Variants in AGMO observed in about 807,000 individuals in gnomAD.
AGMO encodes glyceryl-ether monooxygenase.
A neutral mutation model predicts 60.2 loss-of-function variants in AGMO; 75 were observed. That is an observed-to-expected ratio of 1.25 (90% confidence interval 1.03 to 1.51). The LOEUF (loss-of-function observed/expected upper bound fraction) is 1.51. Among genes scored for constraint, AGMO ranks in the 40% most tolerant of loss-of-function variants. The pLI is 0.00. For synonymous variants in AGMO, 261 were observed against 177.1 expected (o/e 1.47, Z -3.76); for missense variants, 763 against 525.5 (o/e 1.45, Z -4.42).
chr7:15,163,779 T>TC, the AGMO span, among the ~76,000 whole-genome samples: 1 of 111,958 alleles, frequency 8.9e-6, no homozygotes, highest in African/African-American at 3.2e-5. Context: ...CCTACAGTTT[T>TC]CTTTTTTTTT....
intron 10 of AGMO, among the ~76,000 whole-genome samples, chr7:15,369,078 TTC>T (rs1337586886): frequency 6.6e-6 from 1 of 152,134 alleles, no homozygotes; most frequent in East Asian, 1.9e-4. Context: ...CCTTAACTTT[TTC>T]TGTCACTGTC....
At chr7:15,483,830 T>C (rs541247037) in intron 3 of AGMO, among the ~76,000 whole-genome samples, 21 of 152,228 alleles carry the variant, frequency 1.4e-4, no homozygotes, top group African/African-American at 4.8e-4. Flanking sequence ...CTGTGCAAGA[T>C]GATTAAAATT....
At position 15,397,235 on chromosome 7, in the gene AGMO, G is replaced by A. The variant is rs533327133; in HGVS notation, c.610-3056C>T. Among the ~76,000 whole-genome samples, 155 of 152,232 alleles carry A rather than the reference G, an allele frequency of 1.0e-3. 1 individual carries two copies. Among genetic ancestry groups the A allele is most frequent in the African/African-American group, 3.5e-3 (145 of 41,572 alleles). ...GCCTACGACCCCGCGAAGAGGGAAC[G>A]GCGGTCCGCGCATGGTACCCAGACC... On this transcript the variant is annotated intron_variant, in intron 5 of 12. Transcript: ENST00000342526.
intron 12 of AGMO, among the ~76,000 whole-genome samples, chr7:15,322,909 TATACAC>T (rs1387507215): frequency 6.1e-5 from 9 of 146,872 alleles, no homozygotes; most frequent in Non-Finnish European, 1.3e-4. Flanking sequence ...AAAATATATA[TATACAC>T]ATATATGTGT....
At chr7:15,195,326 T>C (rs970969430), downstream of AGMO, among the ~76,000 whole-genome samples, 5 of 152,176 alleles carry the variant, frequency 3.3e-5, no homozygotes, top group African/African-American at 1.2e-4. Flanking sequence ...ATAGCTTTTT[T>C]CCTTGCAGGG....
At chr7:15,394,823 G>A (rs762650589) in intron 5 of AGMO, among the ~76,000 whole-genome samples, 4 of 152,090 alleles carry the variant, frequency 2.6e-5, no homozygotes, top group Non-Finnish European at 5.9e-5. Context: ...CTTACCTTTA[G>A]AGGCATGGTC....
chr7:15,323,456 G>A (rs1217593988), intron 12 of AGMO, among the ~76,000 whole-genome samples: 2 of 152,140 alleles, frequency 1.3e-5, no homozygotes, highest in Non-Finnish European at 2.9e-5. Context: ...GAAATACAGT[G>A]TATACAATAA....
chr7:15,437,110 T>C (rs149854790), intron 3 of AGMO, among the ~76,000 whole-genome samples: 196 of 152,232 alleles, frequency 1.3e-3, no homozygotes, highest in African/African-American at 4.4e-3. Flanking sequence ...AGTAACAGAC[T>C]CAAGCTACCA....
At chr7:15,260,587 C>T (rs1783239070) in intron 12 of AGMO, among the ~76,000 whole-genome samples, 1 of 152,078 alleles carries the variant, frequency 6.6e-6, no homozygotes, top group Non-Finnish European at 1.5e-5. Context: ...TAATATTCCA[C>T]TGACAGCACT....
chr7:15,449,647 T>G lies in AGMO; in HGVS notation c.410-18539A>C, dbSNP rs530481588. Among the ~76,000 whole-genome samples the G allele has an allele frequency of 5.9e-5, 9 of 152,334 alleles. No homozygotes were observed. In the East Asian group the frequency reaches 1.7e-3, roughly 29 times the overall value. On this transcript the variant is annotated intron_variant, in intron 3 of 12. Transcript: ENST00000342526. Reference sequence around the variant, plus strand: ...ACCATCTAGGTTTGTGTAAGTACACTCTATGAGGTTTGCATAGCAGAATTG... The same window carrying G: ...ACCATCTAGGTTTGTGTAAGTACACGCTATGAGGTTTGCATAGCAGAATTG...
intron 12 of AGMO, among the ~76,000 whole-genome samples, chr7:15,337,406 C>G (rs1781696240): frequency 6.6e-6 from 1 of 152,094 alleles, no homozygotes; most frequent in Non-Finnish European, 1.5e-5. Context: ...AGAGGAATGA[C>G]TGGCCATAAA....
At chr7:15,418,482 A>G (rs1040130434) in intron 5 of AGMO, 76 bp downstream of exon 5, 6 of 862,086 alleles carry the variant, frequency 7.0e-6, no homozygotes, top group Admixed American at 5.3e-5. Flanking sequence ...ACAATAAATC[A>G]TCTGCTAGTG....
At chr7:15,160,280 C>T in the AGMO span, among the ~76,000 whole-genome samples, 38,140 of 152,050 alleles carry the variant, frequency 0.25, 5,705 homozygotes, top group East Asian at 0.32. Flanking sequence ...AAGGATTTCT[C>T]CCTTTCTCAT....
At chr7:15,190,608 T>C in the AGMO span, among the ~76,000 whole-genome samples, 1 of 152,164 alleles carries the variant, frequency 6.6e-6, no homozygotes. Flanking sequence ...TGCATTAGAA[T>C]TGTCTGGCTC....
At chr7:15,482,151 G>A (rs1242415085) in intron 3 of AGMO, among the ~76,000 whole-genome samples, 1 of 151,220 alleles carries the variant, frequency 6.6e-6, no homozygotes, top group African/African-American at 2.4e-5. Context: ...AGAGAAAGAA[G>A]AAATAAAAAA....
At chr7:15,477,992 C>G (rs1031207602) in intron 3 of AGMO, among the ~76,000 whole-genome samples, 1 of 152,092 alleles carries the variant, frequency 6.6e-6, no homozygotes, top group African/African-American at 2.4e-5. Flanking sequence ...TAAGTATGAA[C>G]AGGTAGAACC....
intron 12 of AGMO, among the ~76,000 whole-genome samples, chr7:15,280,681 C>A (rs954816234): frequency 6.6e-6 from 1 of 152,226 alleles, no homozygotes; most frequent in African/African-American, 2.4e-5. Context: ...GGCCAACCAA[C>A]ACGGTCCATC....
At chr7:15,319,805 C>CT (rs1403663506) in intron 12 of AGMO, among the ~76,000 whole-genome samples, 2 of 151,852 alleles carry the variant, frequency 1.3e-5, no homozygotes, top group African/African-American at 4.8e-5. Flanking sequence ...TATTATATGT[C>CT]TTTAATATTT....
At chr7:15,442,711 G>A (rs1185954567) in intron 3 of AGMO, among the ~76,000 whole-genome samples, 1 of 152,022 alleles carries the variant, frequency 6.6e-6, no homozygotes, top group Non-Finnish European at 1.5e-5. Flanking sequence ...ACCTAGGTGA[G>A]GACAGGCACT....
Sources: allele counts gnomAD v4.1 joint callset (sites outside exome capture counted in the v4.1 genomes callset), GRCh38; gene constraint gnomAD v4.1.1; transcripts MANE v1.5; gene names NCBI Gene and HGNC (gene_info 2026-07-23, HGNC 2026-07-21).